The following KIF26B variants were observed in gnomAD, a reference collection of about 807,000 sequenced individuals.
KIF26B encodes kinesin family member 26B.
KIF26B carries 63 observed loss-of-function variants against 151.2 expected under a neutral mutation model. The ratio of observed to expected loss-of-function variants is 0.42; its 90% CI spans 0.34 to 0.51. KIF26B has a LOEUF of 0.51. Among genes scored for constraint, KIF26B ranks in the 20% least tolerant of loss-of-function variants. The pLI is 0.07. For missense variants in KIF26B, 2,813 were observed against 2,913.6 expected (o/e 0.97, Z 0.79); for synonymous variants, 1,357 against 1,262.1 (o/e 1.08, Z -1.59).
intron 6 of KIF26B, among the ~76,000 whole-genome samples, chr1:245,607,417 C>T (rs548437562): frequency 6.6e-6 from 1 of 152,320 alleles, no homozygotes; most frequent in South Asian, 2.1e-4. Context: ...AAACGTACCA[C>T]GGATTAGCAG....
At chr1:245,472,641 C>T (rs1462354229) in intron 4 of KIF26B, among the ~76,000 whole-genome samples, 1 of 152,160 alleles carries the variant, frequency 6.6e-6, no homozygotes, top group Non-Finnish European at 1.5e-5. Flanking sequence ...TATTTTCCCT[C>T]CAAAGAGATT....
At chr1:245,317,153 A>G (rs958456292) in intron 2 of KIF26B, among the ~76,000 whole-genome samples, 4 of 152,336 alleles carry the variant, frequency 2.6e-5, no homozygotes, top group Admixed American at 6.5e-5. Context: ...TCCTGTTTTC[A>G]ATTCTCTATC....
chr1:245,619,080 A>G (rs1332526589), intron 9 of KIF26B, among the ~76,000 whole-genome samples: 1 of 139,594 alleles, frequency 7.2e-6, no homozygotes. Flanking sequence ...ATTAGACTAT[A>G]GGTTCCTTGA....
Position 245,264,587 on chromosome 1 carries a change from AC to A in KIF26B, c.466-102246del, listed in dbSNP as rs985299810. On this transcript the variant is annotated intron_variant, in intron 2 of 14. Coordinates refer to ENST00000407071, the MANE Select transcript of KIF26B (RefSeq NM_018012.4). Reference sequence around the variant, plus strand: ...CTAGATTATTGTTCTTAAAAAAAAAACAAAACAAAAAAAAACAGAGCCCCAG... The same window carrying A: ...CTAGATTATTGTTCTTAAAAAAAAAAAAAACAAAAAAAAACAGAGCCCCAG... 4.0e-5 allele frequency among the ~76,000 whole-genome samples: 6 copies of A among 151,886 alleles called. No individual in the cohort carries two copies. The South Asian group carries it at 1.0e-3, about 26-fold the overall frequency.
Position 245,698,826 on chromosome 1 carries a change from T to A in KIF26B, c.6028-61T>A, listed in dbSNP as rs539400613. The A allele has an allele frequency of 9.7e-5, 151 of 1,557,016 alleles. 1 individual carries two copies. The South Asian group carries it at 1.5e-3, about 16-fold the overall frequency. ...TTCCATCAACGATACTCACAGGTGC[T>A]CCTGTGGTGTGGGCTGGGTGTGAGC... On this transcript the variant is annotated intron_variant, in intron 13 of 14. Transcript: ENST00000407071. This position sits in a 1 kb window ranked among gnomAD's most constrained non-coding sequence, Gnocchi z 4.0.
rs569657295 is a variant in KIF26B at position 245,225,126 on chromosome 1, A to G, written c.465+68443A>G. ...CAAATTTACAACAGCAAAACACACA[A>G]TTTCAGAATTCATAGAGATGAGATA... On this transcript the variant is annotated intron_variant, in intron 2 of 14. Coordinates refer to ENST00000407071, the MANE Select transcript of KIF26B (RefSeq NM_018012.4). 2.0e-5 allele frequency among the ~76,000 whole-genome samples: 3 copies of G among 152,280 alleles called. No homozygotes were observed. In the South Asian group the frequency reaches 6.2e-4, roughly 32 times the overall value.
chr1:245,409,095 A>G (rs958508770), intron 3 of KIF26B, among the ~76,000 whole-genome samples: 3 of 151,986 alleles, frequency 2.0e-5, no homozygotes, highest in African/African-American at 7.3e-5. Flanking sequence ...CGCTGAAAAC[A>G]CCCCCCAAAA....
At chr1:245,260,514 T>C (rs1385887435) in intron 2 of KIF26B, among the ~76,000 whole-genome samples, 1 of 152,206 alleles carries the variant, frequency 6.6e-6, no homozygotes, top group African/African-American at 2.4e-5. Flanking sequence ...AAGTATACTT[T>C]GACATTTTAT....
chr1:245,688,864 CAA>C (rs2044581170), intron 12 of KIF26B, 57 bp downstream of exon 12: 1 of 1,503,822 alleles, frequency 6.6e-7, no homozygotes. Context: ...GCGAGCTGCC[CAA>C]ACCCCACTGC....
intron 2 of KIF26B, among the ~76,000 whole-genome samples, chr1:245,328,848 G>A (rs938091185): frequency 4.6e-5 from 7 of 152,302 alleles, no homozygotes; most frequent in Non-Finnish European, 1.0e-4. Flanking sequence ...CAGTGACCCT[G>A]GAAATCAGCT....
chr1:245,355,505 A>T (rs1672673364), intron 2 of KIF26B, among the ~76,000 whole-genome samples: 1 of 151,056 alleles, frequency 6.6e-6, no homozygotes, highest in Admixed American at 6.6e-5. Context: ...CTGAGGTGGG[A>T]GGACCATTTG....
At chr1:245,469,303 T>C (rs1399376657) in intron 4 of KIF26B, among the ~76,000 whole-genome samples, 1 of 152,212 alleles carries the variant, frequency 6.6e-6, no homozygotes, top group Non-Finnish European at 1.5e-5. Flanking sequence ...GGGGAGAATG[T>C]CAGGCAGGGA....
intron 2 of KIF26B, among the ~76,000 whole-genome samples, chr1:245,181,303 A>G (rs1359705731): frequency 6.6e-6 from 1 of 152,020 alleles, no homozygotes; most frequent in Non-Finnish European, 1.5e-5. Flanking sequence ...TCTCACCCTG[A>G]GAAGGCGGCG....
chr1:245,326,903 G>C (rs534205890), intron 2 of KIF26B, among the ~76,000 whole-genome samples: 1 of 152,342 alleles, frequency 6.6e-6, no homozygotes, highest in South Asian at 2.1e-4. Flanking sequence ...GAGGCCAAGG[G>C]ATTAGTGGGA....
At position 245,440,166 on chromosome 1, in the gene KIF26B, A is replaced by C. The variant is rs145358750; in HGVS notation, c.1166+20421A>C. The stretch of plus-strand genomic sequence containing the variant: ...AACCTGGGAGGCGGAGCTCGCAGTG[A>C]GCCGAGATCGTGCCACTGCACACCA... On this transcript the variant is annotated intron_variant, in intron 4 of 14. Coordinates refer to ENST00000407071, the MANE Select transcript of KIF26B (RefSeq NM_018012.4). Among the ~76,000 whole-genome samples the C allele has an allele frequency of 5.3e-3, 808 of 152,088 alleles. 3 individuals carry two copies. The highest frequency in any genetic ancestry group is 0.018 in the African/African-American group (739 of 41,476).
At chr1:245,273,315 G>A (rs1670883241) in intron 2 of KIF26B, among the ~76,000 whole-genome samples, 1 of 152,002 alleles carries the variant, frequency 6.6e-6, no homozygotes, top group Admixed American at 6.6e-5. Flanking sequence ...CTACTTGGGA[G>A]GCTGAGGCCA....
At position 245,318,868 on chromosome 1, in the gene KIF26B, G is replaced by A. The variant is rs1228564379; in HGVS notation, c.466-47966G>A. The stretch of plus-strand genomic sequence containing the variant: ...AACTTTTACTATTTGAAATCAGCCT[G>A]AGCCAAGATTGATGAGGAAAAAAAA... On this transcript the variant is annotated intron_variant, in intron 2 of 14. Coordinates refer to ENST00000407071, the MANE Select transcript of KIF26B (RefSeq NM_018012.4). This position sits in a 1 kb window ranked among gnomAD's most constrained non-coding sequence, Gnocchi z 4.0. 1.4e-5 allele frequency among the ~76,000 whole-genome samples: 2 copies of A among 137,994 alleles called. No individual in the cohort carries two copies. The highest frequency in any genetic ancestry group is 3.1e-5 in the Non-Finnish European group (2 of 65,252). 90.5% of individuals were successfully genotyped at this position (137,994 alleles called of 152,430 possible). A position where few individuals can be genotyped will look rare whatever the true frequency, so the allele number is the denominator to read the frequency against.
chr1:245,641,291 A>G (rs2043889306), intron 9 of KIF26B, among the ~76,000 whole-genome samples: 1 of 148,856 alleles, frequency 6.7e-6, no homozygotes, highest in Non-Finnish European at 1.5e-5. Flanking sequence ...TGTGAGTTTA[A>G]TTATAATATG....
intron 2 of KIF26B, among the ~76,000 whole-genome samples, chr1:245,296,710 T>C (rs1427402255): frequency 6.6e-6 from 1 of 152,224 alleles, no homozygotes; most frequent in Admixed American, 6.5e-5. Context: ...TTATGAACTT[T>C]CCATCATGTG....
Sources: allele counts gnomAD v4.1 joint callset (sites outside exome capture counted in the v4.1 genomes callset), GRCh38; gene constraint gnomAD v4.1.1; non-coding constraint Gnocchi (gnomAD v3.1); transcripts MANE v1.5; gene names NCBI Gene and HGNC (gene_info 2026-07-23, HGNC 2026-07-21).